Variants in YTHDF2 observed in about 807,000 individuals in gnomAD.
The protein encoded by YTHDF2 is YTH domain-containing family protein 2.
In YTHDF2, 2 loss-of-function variants were observed where a neutral mutation model predicts 50.4. The observed-to-expected ratio is 0.04, with a 90% CI of 0.02 to 0.12. The LOEUF (loss-of-function observed/expected upper bound fraction) is 0.12, where lower values mean the gene tolerates loss of function less well. YTHDF2 is among the 10% of genes least tolerant of loss of function. The pLI, the probability that YTHDF2 is intolerant of heterozygous loss-of-function variation, is 1.00. For missense variants in YTHDF2, 483 were observed against 722.6 expected, an observed-to-expected ratio of 0.67 and a Z score of 3.80; for synonymous variants, 217 against 255.6, an observed-to-expected ratio of 0.85 and a Z score of 1.44.
Position 28,743,861 on chromosome 1 carries a change from G to A in YTHDF2, c.1591G>A (p.Glu531Lys). ...AGTGACCAACTCTAGGGACACTCAG[G>A]AAGTGCCTCTGGAAAAGGCTAAGCA... ...KPVTNSRDTQ[E>K]VPLEKAKQVL... is the part of the protein sequence containing the mutation. Residue 531 changes from glutamate to lysine, a missense_variant, in exon 4 of 5, where the codon GAA becomes AAA. Physicochemically the swap from Glu to Lys is moderately conservative, Grantham distance 56 (BLOSUM62 1). Transcript: ENST00000373812. The surrounding 1 kb of genome is among the most constrained non-coding windows in gnomAD (Gnocchi z 6.9). 1 of 1,613,578 alleles carries A rather than the reference G, an allele frequency of 6.2e-7. No homozygotes were observed. Among genetic ancestry groups the A allele is most frequent in the Non-Finnish European group, 8.5e-7 (1 of 1,179,858 alleles).
rs1215153912 is a variant in YTHDF2 at position 28,743,600 on chromosome 1, G to A, written c.1330G>A (p.Ala444Thr). Residue 444 changes from alanine (A) to threonine (T), a missense_variant, in exon 4 of 5, where the codon GCT (alanine) becomes ACT (threonine). By Grantham distance (58) the Ala-to-Thr change is moderately conservative. Coordinates refer to ENST00000373812, the MANE Select transcript of YTHDF2 (RefSeq NM_016258.3). This position sits in a 1 kb window ranked among gnomAD's most constrained non-coding sequence, Gnocchi z 6.9. ...AGAGCATGGTAACAAGAGACTGGAT[G>A]CTGCTTATCGTTCCATGAACGGGAA... is the stretch of plus-strand genomic sequence containing the variant. Reference protein sequence around the residue: ...STEHGNKRLDAAYRSMNGKGP... With the variant: ...STEHGNKRLDTAYRSMNGKGP... 1.2e-6 allele frequency: 2 copies of A among 1,614,138 alleles called. No homozygotes were observed. The highest frequency in any genetic ancestry group is 1.1e-5 in the South Asian group (1 of 91,082).
At chr1:28,741,800 ATTC>A (rs1176485130) in intron 3 of YTHDF2, among the ~76,000 whole-genome samples, 1 of 152,106 alleles carries the variant, frequency 6.6e-6, no homozygotes, top group African/African-American at 2.4e-5. Context: ...TCTTTTTGTT[ATTC>A]TTGTTTTATT....
intron 4 of YTHDF2, among the ~76,000 whole-genome samples, chr1:28,744,372 G>A (rs1185505930): frequency 6.6e-6 from 1 of 152,204 alleles, no homozygotes; most frequent in Non-Finnish European, 1.5e-5. Context: ...AATGTTCTCT[G>A]TTGGATTAAC....
At chr1:28,746,414 C>A (rs1319090605) in intron 4 of YTHDF2, among the ~76,000 whole-genome samples, 1 of 152,012 alleles carries the variant, frequency 6.6e-6, no homozygotes, top group African/African-American at 2.4e-5. Context: ...TTTTGCATTG[C>A]TGGGGCCAGA....
intron 4 of YTHDF2, among the ~76,000 whole-genome samples, chr1:28,760,484 C>T (rs551083902): frequency 5.9e-5 from 9 of 152,032 alleles, no homozygotes; most frequent in Non-Finnish European, 7.4e-5. Context: ...TTAGTAGAGA[C>T]GGGGTTTCAC....
At chr1:28,768,799 C>T (rs947305319) in intron 4 of YTHDF2, 130 bp from the exon 5 acceptor site, 2 of 714,638 alleles carry the variant, frequency 2.8e-6, no homozygotes, top group Admixed American at 6.5e-5. Context: ...GAATGTTCTA[C>T]TTAGAATAAT....
intron 4 of YTHDF2, among the ~76,000 whole-genome samples, chr1:28,762,762 A>G (rs1442423815): frequency 6.6e-6 from 1 of 152,236 alleles, no homozygotes; most frequent in Non-Finnish European, 1.5e-5. Flanking sequence ...GCATATGTGC[A>G]GACTTTAACA....
Position 28,749,141 on chromosome 1 carries a change from T to A in YTHDF2, c.1716+5155T>A, listed in dbSNP as rs558554808. 3.9e-5 allele frequency among the ~76,000 whole-genome samples: 6 copies of A among 151,930 alleles called. No individual in the cohort carries two copies. In the South Asian group the frequency reaches 1.2e-3, roughly 32 times the overall value. ...TGAGGGAATCATTGTGCAACTGTTA[T>A]CTAGAAGAAGGCAACAGTTAAGAGC... On this transcript the variant is annotated intron_variant, in intron 4 of 4. Coordinates refer to ENST00000373812, the MANE Select transcript of YTHDF2 (RefSeq NM_016258.3).
At chr1:28,765,483 C>T (rs542178085) in intron 4 of YTHDF2, among the ~76,000 whole-genome samples, 29 of 152,060 alleles carry the variant, frequency 1.9e-4, no homozygotes, top group East Asian at 3.8e-4. Context: ...TAGAATGTAG[C>T]GGTGGCATCA....
intron 4 of YTHDF2, among the ~76,000 whole-genome samples, chr1:28,747,199 C>G (rs1446193601): frequency 6.6e-6 from 1 of 152,066 alleles, no homozygotes; most frequent in Non-Finnish European, 1.5e-5. Flanking sequence ...TGGAATTGAC[C>G]AGCCTTTTAA....
chr1:28,767,576 T>C (rs1474221373), intron 4 of YTHDF2, among the ~76,000 whole-genome samples: 2 of 152,128 alleles, frequency 1.3e-5, no homozygotes, highest in Non-Finnish European at 2.9e-5. Context: ...TGGCACGATC[T>C]CGGCTCACTG....
chr1:28,763,288 A>G (rs1364757966), intron 4 of YTHDF2, among the ~76,000 whole-genome samples: 1 of 150,894 alleles, frequency 6.6e-6, no homozygotes, highest in Non-Finnish European at 1.5e-5. Flanking sequence ...TAATGTTTTT[A>G]TTTGAGACAG....
chr1:28,763,618 A>G (rs181188898), intron 4 of YTHDF2, among the ~76,000 whole-genome samples: 1 of 151,606 alleles, frequency 6.6e-6, no homozygotes. Context: ...ACCATGCCCA[A>G]CTAATTTTTT....
intron 4 of YTHDF2, among the ~76,000 whole-genome samples, chr1:28,755,174 TGG>T (rs1286384972): frequency 6.6e-6 from 1 of 152,242 alleles, no homozygotes; most frequent in Admixed American, 6.5e-5. Flanking sequence ...GGTTAGGATT[TGG>T]GGTTGTATTG....
intron 3 of YTHDF2, among the ~76,000 whole-genome samples, chr1:28,738,603 C>T (rs1169492877): frequency 6.6e-6 from 1 of 152,194 alleles, no homozygotes; most frequent in Non-Finnish European, 1.5e-5. Flanking sequence ...CACCACCGCA[C>T]ACAGCTAGTT....
intron 4 of YTHDF2, among the ~76,000 whole-genome samples, chr1:28,747,553 CTTTTT>C (rs543795451): frequency 8.3e-5 from 11 of 132,004 alleles, no homozygotes; most frequent in Non-Finnish European, 1.6e-4. Context: ...TCCATAAAGA[CTTTTT>C]TTTTTTTTTT....
In YTHDF2 at chr1:28,765,348, G is replaced by A. The variant is rs541221805; in HGVS notation, c.1717-3581G>A. ...GTTATTAAGTGTTAAATATAACTTA[G>A]TGCACCTAACTTTTTTGCAGAAGAA... is the stretch of plus-strand genomic sequence containing the variant. On this transcript the variant is annotated intron_variant, in intron 4 of 4. Coordinates refer to ENST00000373812, the MANE Select transcript of YTHDF2 (RefSeq NM_016258.3). Among the ~76,000 whole-genome samples, 4 of 152,012 alleles carry A rather than the reference G, an allele frequency of 2.6e-5. No homozygotes were observed. The South Asian group carries it at 6.2e-4, about 24-fold the overall frequency.
intron 3 of YTHDF2, among the ~76,000 whole-genome samples, chr1:28,741,600 C>G (rs942251169): frequency 2.6e-5 from 4 of 152,172 alleles, no homozygotes; most frequent in African/African-American, 9.7e-5. Context: ...GGCCATATTT[C>G]TCATTTTACA....
intron 4 of YTHDF2, among the ~76,000 whole-genome samples, chr1:28,762,013 A>G (rs2088143055): frequency 6.6e-6 from 1 of 152,078 alleles, no homozygotes; most frequent in South Asian, 2.1e-4. Flanking sequence ...TAACTTATTC[A>G]CGGCATTGGA....
Sources: gnomAD v4.1 joint callset for allele counts (sites outside exome capture counted in the v4.1 genomes callset) on GRCh38, gnomAD v4.1.1 for gene constraint, Gnocchi (gnomAD v3.1) non-coding constraint, MANE v1.5 for transcripts, NCBI Gene and HGNC (gene_info 2026-07-23, HGNC 2026-07-21) for gene names.